CMBL: variants seen among roughly 807,000 people sequenced by gnomAD.
The protein encoded by CMBL is carboxymethylenebutenolidase homolog (Pseudomonas).
Under a neutral mutation model 28.7 loss-of-function variants are expected in CMBL, and 17 were observed. The ratio of observed to expected loss-of-function variants is 0.59; its 90% CI spans 0.41 to 0.89. The LOEUF (loss-of-function observed/expected upper bound fraction) is 0.89, where lower values mean the gene tolerates loss of function less well. Among genes scored for constraint, CMBL ranks in the 40% least tolerant of loss-of-function variants. The pLI is 0.00. For synonymous variants in CMBL, 106 were observed against 101.6 expected, an observed-to-expected ratio of 1.04 and a Z score of -0.26; for missense variants, 310 against 298.5, an observed-to-expected ratio of 1.04 and a Z score of -0.28.
At chr5:10,280,835 G>A (rs561129474) in intron 5 of CMBL, among the ~76,000 whole-genome samples, 1 of 152,154 alleles carries the variant, frequency 6.6e-6, no homozygotes, top group Non-Finnish European at 1.5e-5. Flanking sequence ...GTTCAGTGGC[G>A]CCATCTCAGC....
intron 2 of CMBL, 58 bp from the exon 3 acceptor site, chr5:10,288,587 G>T: frequency 1.5e-6 from 2 of 1,320,752 alleles, no homozygotes; most frequent in Non-Finnish European, 1.1e-6. Flanking sequence ...TCAGTATTTT[G>T]CTTGCATTTA....
intron 1 of CMBL, among the ~76,000 whole-genome samples, chr5:10,294,807 G>A (rs1427924049): frequency 2.0e-5 from 3 of 152,186 alleles, no homozygotes; most frequent in Admixed American, 6.5e-5. Flanking sequence ...GGAGGAGTCC[G>A]TGATGACTAC....
chr5:10,306,783 T>G (rs1747008270), intron 1 of CMBL, among the ~76,000 whole-genome samples: 1 of 152,196 alleles, frequency 6.6e-6, no homozygotes, highest in Non-Finnish European at 1.5e-5. Flanking sequence ...ATAGCATGAA[T>G]TAGGAAGCTA....
At position 10,277,827 on chromosome 5, in the gene CMBL, C is replaced by T. The variant is rs1397367282; in HGVS notation, c.*2626G>A. Among the ~76,000 whole-genome samples, 2 of 152,224 alleles carry T rather than the reference C, an allele frequency of 1.3e-5. No homozygotes were observed. Among genetic ancestry groups the T allele is most frequent in the Non-Finnish European group, 2.9e-5 (2 of 68,036 alleles). ...AAAGGACTCAGCAGAGGGAAGGCTGCCCAGGCCCCAAGCTCACCATGAAGG... is the reference window on the plus strand; with the variant it reads ...AAAGGACTCAGCAGAGGGAAGGCTGTCCAGGCCCCAAGCTCACCATGAAGG... On this transcript the variant is annotated 3_prime_UTR_variant, in exon 6 of 6. Coordinates refer to ENST00000296658, the MANE Select transcript of CMBL (RefSeq NM_138809.4).
At chr5:10,292,054 TGAG>T (rs1451835228) in intron 1 of CMBL, 2 of 152,122 alleles carry the variant, frequency 1.3e-5, no homozygotes, top group Admixed American at 1.3e-4. Flanking sequence ...AAGCAGGAAA[TGAG>T]GCGGCGAAAG....
intron 2 of CMBL, 64 bp downstream of exon 2, chr5:10,290,484 G>A (rs1189816312): frequency 1.4e-6 from 2 of 1,410,314 alleles, no homozygotes; most frequent in Admixed American, 3.4e-5. Flanking sequence ...ATTTTTTAAA[G>A]GGAACAAAAT....
chr5:10,290,823 A>G, intron 1 of CMBL, 42 bp from the exon 2 acceptor site: 1 of 1,431,148 alleles, frequency 7.0e-7, no homozygotes, highest in Non-Finnish European at 9.8e-7. Flanking sequence ...AATGCTGCAA[A>G]TCTAAAGGCT....
chr5:10,295,317 C>T (rs1396580735), intron 1 of CMBL, among the ~76,000 whole-genome samples: 3 of 152,174 alleles, frequency 2.0e-5, no homozygotes, highest in Admixed American at 1.3e-4. Flanking sequence ...CTCCTGACCT[C>T]GGGTGATCCC....
chr5:10,278,308 G>A lies in CMBL; in HGVS notation c.*2145C>T, dbSNP rs1008963097. Reference sequence around the variant, plus strand: ...CTTCTCACTGTTCCCCAAGGTGGTCGATCCAGACATCTGCCTTACAAAACC... The same window carrying A: ...CTTCTCACTGTTCCCCAAGGTGGTCAATCCAGACATCTGCCTTACAAAACC... On this transcript the variant is annotated 3_prime_UTR_variant, in exon 6 of 6. Coordinates refer to ENST00000296658, the MANE Select transcript of CMBL (RefSeq NM_138809.4). 2.0e-5 allele frequency among the ~76,000 whole-genome samples: 3 copies of A among 151,994 alleles called. No individual in the cohort carries two copies. The highest frequency in any genetic ancestry group is 4.8e-5 in the African/African-American group (2 of 41,378).
intron 1 of CMBL, among the ~76,000 whole-genome samples, chr5:10,306,019 A>C (rs1746995274): frequency 6.6e-6 from 1 of 152,234 alleles, no homozygotes; most frequent in Admixed American, 6.5e-5. Context: ...CTCTTTAATG[A>C]ATAAAATAAA....
At chr5:10,298,341 C>CA (rs1485659080) in intron 1 of CMBL, among the ~76,000 whole-genome samples, 1 of 151,632 alleles carries the variant, frequency 6.6e-6, no homozygotes, top group Non-Finnish European at 1.5e-5. Flanking sequence ...AAATTTGACC[C>CA]AAAAAACATA....
chr5:10,281,195 AT>A (rs1430336370), intron 5 of CMBL, among the ~76,000 whole-genome samples: 2 of 152,236 alleles, frequency 1.3e-5, no homozygotes, highest in African/African-American at 4.8e-5. Context: ...AGTTACTAAT[AT>A]TATAACAATA....
At chr5:10,297,853 C>T (rs1280753951) in intron 1 of CMBL, among the ~76,000 whole-genome samples, 1 of 152,138 alleles carries the variant, frequency 6.6e-6, no homozygotes, top group Non-Finnish European at 1.5e-5. Context: ...GACACAGACA[C>T]AGGTGGTGGT....
At chr5:10,298,336 T>A (rs1486180696) in intron 1 of CMBL, among the ~76,000 whole-genome samples, 2 of 152,112 alleles carry the variant, frequency 1.3e-5, no homozygotes, top group Non-Finnish European at 2.9e-5. Context: ...TTCTTAAATT[T>A]GACCCAAAAA....
Position 10,286,339 on chromosome 5 carries a change from A to G in CMBL, c.466+15T>C. ...TCCCTTCTGCATGGAGTAAAAATGC[A>G]CAAGGCAGATTTACCATAGACGGAC... On this transcript the variant is annotated intron_variant, in intron 4 of 5. Coordinates refer to ENST00000296658, the MANE Select transcript of CMBL (RefSeq NM_138809.4). 6.2e-7 allele frequency: 1 copy of G among 1,611,722 alleles called. No individual in the cohort carries two copies. The highest frequency in any genetic ancestry group is 8.5e-7 in the Non-Finnish European group (1 of 1,178,728).
rs1469913601 is a variant in CMBL, at chr5:10,290,544, A to G, written c.215+4T>C. On this transcript the variant is annotated splice_donor_region_variant and intron_variant, in intron 2 of 5. Transcript: ENST00000296658. ...TAAACAAAGAAACACAACTTTATAC[A>G]TACGTGTATCCATTTCCTGAGATCA... is the stretch of plus-strand genomic sequence containing the variant. 1 of 1,607,010 alleles carries G rather than the reference A, an allele frequency of 6.2e-7. No homozygotes were observed. Among genetic ancestry groups the G allele is most frequent in the South Asian group, 1.1e-5 (1 of 90,908 alleles).
At chr5:10,300,965 A>G (rs1044515559) in intron 1 of CMBL, among the ~76,000 whole-genome samples, 1 of 151,606 alleles carries the variant, frequency 6.6e-6, no homozygotes, top group African/African-American at 2.4e-5. Flanking sequence ...ACCAAAAAAC[A>G]TACATTTTGA....
chr5:10,296,160 C>G (rs1033281632), intron 1 of CMBL, among the ~76,000 whole-genome samples: 1 of 152,144 alleles, frequency 6.6e-6, no homozygotes, highest in African/African-American at 2.4e-5. Flanking sequence ...ACCGCTGTGA[C>G]CAGGCCACAG....
At position 10,279,944 on chromosome 5, in the gene CMBL, A is replaced by C. The variant is rs970049479; in HGVS notation, c.*509T>G. On this transcript the variant is annotated 3_prime_UTR_variant, in exon 6 of 6. Coordinates refer to ENST00000296658, the MANE Select transcript of CMBL (RefSeq NM_138809.4). ...ATTTTATTTATTTATTTATTTACTTATTTATTTTTGAGACAGGGTCTCACT... is the reference window on the plus strand; with the variant it reads ...ATTTTATTTATTTATTTATTTACTTCTTTATTTTTGAGACAGGGTCTCACT... The C allele has an allele frequency of 6.6e-6, 1 of 151,838 alleles. No homozygotes were observed. The highest frequency in any genetic ancestry group is 2.4e-5 in the African/African-American group (1 of 41,300). 9.4% of individuals were successfully genotyped at this position (151,838 alleles called of 1,614,324 possible).
Sources: gnomAD v4.1 joint callset for allele counts (sites outside exome capture counted in the v4.1 genomes callset) on GRCh38, gnomAD v4.1.1 for gene constraint, MANE v1.5 for transcripts, NCBI Gene and HGNC (gene_info 2026-07-23, HGNC 2026-07-21) for gene names.